The following GPM6A variants were observed in gnomAD, a reference collection of about 807,000 sequenced individuals.
GPM6A encodes the protein neuronal membrane glycoprotein M6-a.
A neutral mutation model predicts 32.1 loss-of-function variants in GPM6A; 7 were observed. That is an observed-to-expected ratio of 0.22 (90% CI 0.12 to 0.41). The LOEUF is 0.41. GPM6A is among the 10% of genes least tolerant of loss of function. The pLI, the probability that GPM6A is intolerant of heterozygous loss-of-function variation, is 1.00. For missense variants in GPM6A, 235 were observed against 347.2 expected (o/e 0.68, Z 2.57); for synonymous variants, 130 against 123.4 (o/e 1.05, Z -0.35).
At chr4:175,793,643 T>C (rs1173140576) in intron 1 of GPM6A, among the ~76,000 whole-genome samples, 2 of 152,180 alleles carry the variant, frequency 1.3e-5, no homozygotes, top group Non-Finnish European at 2.9e-5. Flanking sequence ...CCCAAATTGC[T>C]GGGATTACAA....
intron 1 of GPM6A, among the ~76,000 whole-genome samples, chr4:175,766,653 CT>C (rs763676067): frequency 0.045 from 5,964 of 132,668 alleles, 212 homozygotes; most frequent in African/African-American, 0.14. Context: ...TCCACTTACT[CT>C]TTTTTTTTTT....
chr4:175,824,733 G>T (rs1330666503), intron 1 of GPM6A, among the ~76,000 whole-genome samples: 2 of 152,102 alleles, frequency 1.3e-5, no homozygotes, highest in African/African-American at 4.8e-5. Context: ...TATTTGTGTG[G>T]TATCCACTGT....
Position 175,690,954 on chromosome 4 carries a change from T to C in GPM6A, c.230+10621A>G, listed in dbSNP as rs542075930. On this transcript the variant is annotated intron_variant, in intron 2 of 6. Transcript: ENST00000393658. ...TTCAAACAATGTGGTGATGGACATG[T>C]GCTAATGTTACATTCCAAAATCCAT... 3.3e-5 allele frequency among the ~76,000 whole-genome samples: 5 copies of C among 152,336 alleles called. No individual in the cohort carries two copies. The South Asian group carries it at 1.0e-3, about 32-fold the overall frequency.
chr4:175,954,505 G>C (rs1008696158), intron 1 of GPM6A, among the ~76,000 whole-genome samples: 1 of 152,160 alleles, frequency 6.6e-6, no homozygotes, highest in Non-Finnish European at 1.5e-5. Flanking sequence ...GAGTACTGAG[G>C]ACAGTGGCTA....
At chr4:175,721,094 A>G (rs151145248) in intron 1 of GPM6A, among the ~76,000 whole-genome samples, 6,136 of 144,158 alleles carry the variant, frequency 0.043, 183 homozygotes, top group Non-Finnish European at 0.064. Flanking sequence ...TCTAGTATAT[A>G]TTTCTAGTAT....
At chr4:175,694,926 C>T (rs1285414931) in intron 2 of GPM6A, among the ~76,000 whole-genome samples, 1 of 152,176 alleles carries the variant, frequency 6.6e-6, no homozygotes, top group African/African-American at 2.4e-5. Context: ...TGCACAGCCT[C>T]AGGACACTGC....
chr4:175,936,199 G>A (rs886141340), intron 1 of GPM6A, among the ~76,000 whole-genome samples: 1 of 148,566 alleles, frequency 6.7e-6, no homozygotes, highest in Non-Finnish European at 1.5e-5. Flanking sequence ...CCAGCTACTC[G>A]GGAGGCTGAG....
intron 1 of GPM6A, among the ~76,000 whole-genome samples, chr4:175,729,871 TTAA>T (rs1338949697): frequency 1.4e-5 from 2 of 145,586 alleles, no homozygotes; most frequent in Non-Finnish European, 3.0e-5. Context: ...TTTAATGTAT[TTAA>T]TAATTATATT....
chr4:175,637,038 T>G (rs1740666525), intron 6 of GPM6A, among the ~76,000 whole-genome samples: 1 of 128,256 alleles, frequency 7.8e-6, no homozygotes, highest in South Asian at 2.3e-4. Context: ...CAAAAATATA[T>G]AATATATTTA....
At chr4:175,751,744 TG>T (rs1732345352) in intron 1 of GPM6A, among the ~76,000 whole-genome samples, 1 of 150,464 alleles carries the variant, frequency 6.6e-6, no homozygotes, top group Admixed American at 6.6e-5. Flanking sequence ...ACGATGCACC[TG>T]TTTTTTTTTT....
chr4:175,643,569 C>T (rs1741278536), intron 4 of GPM6A, among the ~76,000 whole-genome samples: 1 of 151,900 alleles, frequency 6.6e-6, no homozygotes, highest in Admixed American at 6.6e-5. Flanking sequence ...TTTTCTACAT[C>T]ATTAAAAAAA....
intron 1 of GPM6A, among the ~76,000 whole-genome samples, chr4:175,983,626 C>G (rs1740880247): frequency 6.6e-6 from 1 of 152,078 alleles, no homozygotes; most frequent in African/African-American, 2.4e-5. Flanking sequence ...CATTTCCTTG[C>G]TTTCTTAGAA....
chr4:175,910,294 T>G (rs187726231), intron 1 of GPM6A, among the ~76,000 whole-genome samples: 1 of 152,214 alleles, frequency 6.6e-6, no homozygotes, highest in Non-Finnish European at 1.5e-5. Context: ...AGTCTCCAAG[T>G]TGCAAAACAC....
chr4:175,700,473 T>C (rs1744816127), intron 2 of GPM6A, among the ~76,000 whole-genome samples: 1 of 152,130 alleles, frequency 6.6e-6, no homozygotes, highest in African/African-American at 2.4e-5. Flanking sequence ...TCAACAGGAA[T>C]TGCCCTGCAT....
chr4:175,881,035 C>A (rs1220317022), intron 1 of GPM6A, among the ~76,000 whole-genome samples: 1 of 152,104 alleles, frequency 6.6e-6, no homozygotes, highest in East Asian at 1.9e-4. Flanking sequence ...GCAAAAGAAA[C>A]TACCATCAGA....
intron 1 of GPM6A, among the ~76,000 whole-genome samples, chr4:175,954,707 T>C (rs1054664170): frequency 3.3e-5 from 5 of 152,246 alleles, no homozygotes; most frequent in Non-Finnish European, 5.9e-5. Flanking sequence ...TTAGCCTTTG[T>C]AGTCCAGCTA....
At chr4:175,766,797 G>A (rs1383726922) in intron 1 of GPM6A, among the ~76,000 whole-genome samples, 1 of 151,870 alleles carries the variant, frequency 6.6e-6, no homozygotes. Flanking sequence ...TGGAATTACA[G>A]GTGACTGCCA....
intron 1 of GPM6A, among the ~76,000 whole-genome samples, chr4:175,735,903 T>C (rs1655083036): frequency 6.6e-6 from 1 of 152,138 alleles, no homozygotes; most frequent in South Asian, 2.1e-4. Flanking sequence ...AAGATAAATG[T>C]CATATGTCTA....
At chr4:175,993,431 C>G (rs960909422) in intron 1 of GPM6A, among the ~76,000 whole-genome samples, 3 of 151,800 alleles carry the variant, frequency 2.0e-5, no homozygotes, top group African/African-American at 7.3e-5. Context: ...TACTTTTCAG[C>G]TGAAAAGTCC....
Sources: allele counts gnomAD v4.1 joint callset (sites outside exome capture counted in the v4.1 genomes callset), GRCh38; gene constraint gnomAD v4.1.1; transcripts MANE v1.5; gene names NCBI Gene and HGNC (gene_info 2026-07-23, HGNC 2026-07-21).